ZFHX3: variants seen among roughly 807,000 people sequenced by gnomAD.
The protein encoded by ZFHX3 is zinc finger homeobox protein 3.
Under a neutral mutation model 279.1 loss-of-function variants are expected in ZFHX3, and 42 were observed. The ratio of observed to expected loss-of-function variants is 0.15; its 90% CI spans 0.12 to 0.19. ZFHX3 has a LOEUF of 0.19. Among genes scored for constraint, ZFHX3 ranks in the 10% least tolerant of loss-of-function variants. The probability of loss-of-function intolerance (pLI) is 1.00; values close to 1 mark genes in which losing one functional copy is unlikely to be tolerated. For missense variants in ZFHX3, 4,981 were observed against 4,754.0 expected (o/e 1.05, Z -1.40); for synonymous variants, 2,293 against 1,957.8 (o/e 1.17, Z -4.52).
At chr16:73,430,889 T>G (rs1431357683) in intron 3 of ZFHX3, among the ~76,000 whole-genome samples, 3 of 152,214 alleles carry the variant, frequency 2.0e-5, no homozygotes, top group African/African-American at 7.2e-5. Context: ...ATTACCTTTG[T>G]GTTTCCAGTG....
intron 4 of ZFHX3, among the ~76,000 whole-genome samples, chr16:73,303,248 G>A (rs2015100828): frequency 6.6e-6 from 1 of 152,036 alleles, no homozygotes; most frequent in Admixed American, 6.5e-5. Flanking sequence ...GGCTGGTCTT[G>A]AACTCCTAGC....
intron 3 of ZFHX3, among the ~76,000 whole-genome samples, chr16:73,443,730 A>G (rs1455727985): frequency 6.6e-6 from 1 of 151,868 alleles, no homozygotes; most frequent in Non-Finnish European, 1.5e-5. Flanking sequence ...ATTCCACCAT[A>G]TATTTAGCCA....
chr16:72,879,996 A>G (rs1011133303), intron 4 of ZFHX3, among the ~76,000 whole-genome samples: 6 of 152,178 alleles, frequency 3.9e-5, no homozygotes, highest in African/African-American at 1.2e-4. Flanking sequence ...TGTCCTAACA[A>G]GTGTCTTTGA....
intron 1 of ZFHX3, among the ~76,000 whole-genome samples, chr16:73,034,622 C>G (rs995952185): frequency 3.3e-5 from 5 of 152,180 alleles, no homozygotes; most frequent in African/African-American, 1.2e-4. Flanking sequence ...TCCCTGCAGC[C>G]CTGTCTGTGA....
At chr16:73,568,376 A>C (rs1169895930) in intron 2 of ZFHX3, among the ~76,000 whole-genome samples, 2 of 152,122 alleles carry the variant, frequency 1.3e-5, no homozygotes, top group Non-Finnish European at 2.9e-5. Flanking sequence ...ACAGCCCCTA[A>C]ATAAGGCAGC....
chr16:73,174,096 T>C (rs898569547), intron 5 of ZFHX3, among the ~76,000 whole-genome samples: 2 of 152,206 alleles, frequency 1.3e-5, no homozygotes, highest in African/African-American at 2.4e-5. Context: ...TGAGGTTCAC[T>C]GGACGTGTTT....
intron 1 of ZFHX3, among the ~76,000 whole-genome samples, chr16:73,716,645 ACACAC>A (rs1567560088): frequency 0.049 from 2,266 of 46,500 alleles, 33 homozygotes; most frequent in East Asian, 0.11. Flanking sequence ...ACACACACAC[ACACAC>A]GCATGCACGC....
At chr16:73,005,045 G>A (rs1253655520) in intron 1 of ZFHX3, among the ~76,000 whole-genome samples, 3 of 152,156 alleles carry the variant, frequency 2.0e-5, no homozygotes, top group African/African-American at 7.2e-5. Flanking sequence ...GAGATCACTG[G>A]TTTTGCTGTC....
Position 73,755,134 on chromosome 16 carries a change from A to G in ZFHX3, c.-1607-74894T>C, listed in dbSNP as rs539863886. 1.3e-4 allele frequency among the ~76,000 whole-genome samples: 20 copies of G among 152,286 alleles called. No homozygotes were observed. In the South Asian group the frequency reaches 3.1e-3, roughly 24 times the overall value. On this transcript the variant is annotated intron_variant, in intron 1 of 17. Coordinates refer to the ZFHX3 transcript ENST00000641206. ...CGATGGTTTGAATCCAGGAAACTTGACTTTAGATCCCGCTTGCTTAACCAC... is the reference window on the plus strand; with the variant it reads ...CGATGGTTTGAATCCAGGAAACTTGGCTTTAGATCCCGCTTGCTTAACCAC...
chr16:73,847,684 A>G (rs1961483402), intron 1 of ZFHX3, among the ~76,000 whole-genome samples: 1 of 152,194 alleles, frequency 6.6e-6, no homozygotes, highest in East Asian at 1.9e-4. Flanking sequence ...AAATTTGACA[A>G]TGTATAGGAA....
At position 73,580,281 on chromosome 16, in the gene ZFHX3, C is replaced by T. The variant is rs143196396; in HGVS notation, c.-1547+99899G>A. 5.0e-3 allele frequency among the ~76,000 whole-genome samples: 765 copies of T among 151,886 alleles called. 27 individuals are homozygous for T. Among genetic ancestry groups the T allele is most frequent in the African/African-American group, 0.018 (724 of 41,266 alleles). On this transcript the variant is annotated intron_variant, in intron 2 of 17. Coordinates refer to the ZFHX3 transcript ENST00000641206. ...GATCACAAGGTCAAGAGGTTGAGAC[C>T]ATCCTGGCCAACATGGTGAAACCCC...
chr16:73,732,734 A>T (rs1028637288), intron 1 of ZFHX3, among the ~76,000 whole-genome samples: 4 of 152,194 alleles, frequency 2.6e-5, no homozygotes, highest in Admixed American at 6.5e-5. Context: ...TCTTTAAAGG[A>T]CAACTGTTCT....
At chr16:73,568,362 T>G (rs975755563) in intron 2 of ZFHX3, among the ~76,000 whole-genome samples, 3 of 152,160 alleles carry the variant, frequency 2.0e-5, no homozygotes, top group Non-Finnish European at 4.4e-5. Flanking sequence ...TCTTTCCATT[T>G]GTAACAGCCC....
intron 2 of ZFHX3, among the ~76,000 whole-genome samples, chr16:73,595,166 C>T (rs1394170349): frequency 6.6e-6 from 1 of 152,074 alleles, no homozygotes; most frequent in Non-Finnish European, 1.5e-5. Context: ...CCTCTGTATC[C>T]CTCTTTCTGT....
At chr16:73,521,249 G>C (rs1390406318) in intron 2 of ZFHX3, among the ~76,000 whole-genome samples, 1 of 152,126 alleles carries the variant, frequency 6.6e-6, no homozygotes, top group Non-Finnish European at 1.5e-5. Context: ...CTTTCTTGTG[G>C]AGCAATCTCA....
At chr16:72,968,021 A>AC (rs992783310) in intron 1 of ZFHX3, among the ~76,000 whole-genome samples, 19 of 151,488 alleles carry the variant, frequency 1.3e-4, no homozygotes, top group Admixed American at 6.6e-4. Flanking sequence ...GGAAAAAAAA[A>AC]AACAACAACA....
At chr16:72,952,378 T>C (rs1432534444) in intron 2 of ZFHX3, among the ~76,000 whole-genome samples, 2 of 152,236 alleles carry the variant, frequency 1.3e-5, no homozygotes, top group Admixed American at 1.3e-4. Context: ...TTCTCTTTCC[T>C]GATCCTCTGC....
At chr16:73,351,397 T>G (rs1208219573) in intron 3 of ZFHX3, among the ~76,000 whole-genome samples, 1 of 152,182 alleles carries the variant, frequency 6.6e-6, no homozygotes, top group Non-Finnish European at 1.5e-5. Flanking sequence ...CCTAACGTAA[T>G]TATCCAGCAG....
intron 1 of ZFHX3, among the ~76,000 whole-genome samples, chr16:73,840,121 G>A (rs1407489886): frequency 6.6e-6 from 1 of 152,118 alleles, no homozygotes; most frequent in Admixed American, 6.5e-5. Context: ...TTCAATACAT[G>A]CCAAACAGAT....
Sources: allele counts gnomAD v4.1 joint callset (sites outside exome capture counted in the v4.1 genomes callset), GRCh38; gene constraint gnomAD v4.1.1; transcripts MANE v1.5; gene names NCBI Gene and HGNC (gene_info 2026-07-23, HGNC 2026-07-21).